Variants in PCSK5 observed in about 807,000 individuals in gnomAD.
PCSK5 encodes prohormone convertase 5.
Under a neutral mutation model 233.2 loss-of-function variants are expected in PCSK5, and 129 were observed. The observed-to-expected ratio is 0.55, with a 90% CI of 0.48 to 0.64. The LOEUF is 0.64. Among genes scored for constraint, PCSK5 ranks in the 30% least tolerant of loss-of-function variants. The pLI, the probability that PCSK5 is intolerant of heterozygous loss-of-function variation, is 0.00. For synonymous variants in PCSK5, 825 were observed against 879.2 expected, an observed-to-expected ratio of 0.94 and a Z score of 1.09; for missense variants, 2,076 against 2,430.1, an observed-to-expected ratio of 0.85 and a Z score of 3.06.
intron 27 of PCSK5, among the ~76,000 whole-genome samples, chr9:76,297,846 G>T (rs1348091026): frequency 6.6e-6 from 1 of 152,136 alleles, no homozygotes; most frequent in African/African-American, 2.4e-5. Flanking sequence ...TGGAGAGGAG[G>T]CACGTCCATG....
intron 10 of PCSK5, among the ~76,000 whole-genome samples, chr9:76,152,909 G>T (rs765407946): frequency 6.6e-6 from 1 of 152,112 alleles, no homozygotes; most frequent in Non-Finnish European, 1.5e-5. Context: ...AGCACTTCCG[G>T]TCTCATCAGA....
intron 20 of PCSK5, among the ~76,000 whole-genome samples, chr9:76,213,229 A>G (rs746649896): frequency 2.6e-5 from 4 of 152,186 alleles, no homozygotes; most frequent in Non-Finnish European, 4.4e-5. Flanking sequence ...GTAATGACCC[A>G]TGTATAAAAT....
chr9:75,998,225 A>AT (rs914498140), intron 3 of PCSK5, among the ~76,000 whole-genome samples: 5 of 150,618 alleles, frequency 3.3e-5, no homozygotes, highest in Non-Finnish European at 7.4e-5. Context: ...GGCCCACATA[A>AT]TTTTTTTTTT....
chr9:76,300,613 A>G (rs1486431851), intron 27 of PCSK5, among the ~76,000 whole-genome samples: 1 of 152,184 alleles, frequency 6.6e-6, no homozygotes, highest in Non-Finnish European at 1.5e-5. Context: ...CTTCTATCAA[A>G]TTACTTCAGA....
At chr9:76,037,817 T>C (rs543029166) in intron 5 of PCSK5, among the ~76,000 whole-genome samples, 1 of 152,174 alleles carries the variant, frequency 6.6e-6, no homozygotes, top group East Asian at 1.9e-4. Flanking sequence ...CTAAAATAGC[T>C]CCAAGGAATT....
At chr9:75,952,869 A>C (rs2131327931) in intron 2 of PCSK5, among the ~76,000 whole-genome samples, 1 of 152,284 alleles carries the variant, frequency 6.6e-6, no homozygotes, top group South Asian at 2.1e-4. Flanking sequence ...TCACCAGTTG[A>C]AGAACAGTGG....
chr9:76,189,065 T>C, intron 18 of PCSK5, 29 bp from the exon 19 acceptor site: 2 of 1,607,802 alleles, frequency 1.2e-6, no homozygotes, highest in Non-Finnish European at 1.7e-6. Context: ...GTTTTATTTC[T>C]CGTTTCCTGT....
intron 24 of PCSK5, among the ~76,000 whole-genome samples, chr9:76,273,576 C>CATATATATATATATATATATAT (rs34398269): frequency 8.5e-6 from 1 of 118,146 alleles, no homozygotes; most frequent in African/African-American, 3.1e-5. Context: ...TATATATATA[C>CATATATATATATATATATATAT]ATATATATAT....
chr9:76,333,210 G>T (rs908757063), intron 34 of PCSK5, among the ~76,000 whole-genome samples: 11 of 152,282 alleles, frequency 7.2e-5, no homozygotes, highest in African/African-American at 2.6e-4. Context: ...AAGGGTCTCA[G>T]CAATCACAAG....
At chr9:76,206,850 A>G (rs539646816) in intron 20 of PCSK5, among the ~76,000 whole-genome samples, 52 of 151,888 alleles carry the variant, frequency 3.4e-4, no homozygotes, top group African/African-American at 1.1e-3. Context: ...GATAACTACA[A>G]TTTGGTACCA....
At chr9:76,269,751 C>T (rs1030937825) in intron 24 of PCSK5, among the ~76,000 whole-genome samples, 1 of 152,144 alleles carries the variant, frequency 6.6e-6, no homozygotes, top group African/African-American at 2.4e-5. Context: ...CAATAAATAA[C>T]ACATGGAACA....
At chr9:75,962,248 G>T (rs1489909966) in intron 2 of PCSK5, among the ~76,000 whole-genome samples, 1 of 152,144 alleles carries the variant, frequency 6.6e-6, no homozygotes, top group Non-Finnish European at 1.5e-5. Flanking sequence ...TTTGATGTGG[G>T]CTCTGAAGGG....
chr9:76,338,064 G>A (rs971194084), intron 34 of PCSK5, among the ~76,000 whole-genome samples, 166 bp from the exon 35 acceptor site: 2 of 152,162 alleles, frequency 1.3e-5, no homozygotes, highest in African/African-American at 2.4e-5. Context: ...TAAGAACACT[G>A]GGAATCATTG....
At chr9:76,197,803 A>G (rs931105564) in intron 20 of PCSK5, among the ~76,000 whole-genome samples, 1 of 152,222 alleles carries the variant, frequency 6.6e-6, no homozygotes, top group African/African-American at 2.4e-5. Flanking sequence ...CAATATGTGT[A>G]GAAGACGGCA....
intron 24 of PCSK5, among the ~76,000 whole-genome samples, chr9:76,277,401 C>T (rs1310675031): frequency 6.6e-6 from 1 of 152,160 alleles, no homozygotes; most frequent in Non-Finnish European, 1.5e-5. Context: ...TCTAGAGAAG[C>T]ATGGAAATCC....
chr9:75,971,576 G>C (rs902673624), intron 2 of PCSK5, among the ~76,000 whole-genome samples: 1 of 152,022 alleles, frequency 6.6e-6, no homozygotes, highest in Non-Finnish European at 1.5e-5. Flanking sequence ...CCTGTTTCTC[G>C]ACAGTCTCAC....
intron 1 of PCSK5, among the ~76,000 whole-genome samples, chr9:75,897,873 C>A (rs1255156546): frequency 6.6e-6 from 1 of 152,112 alleles, no homozygotes; most frequent in Non-Finnish European, 1.5e-5. Flanking sequence ...GGAAGTAAAA[C>A]TGACACATAA....
intron 8 of PCSK5, among the ~76,000 whole-genome samples, chr9:76,102,183 CT>C (rs140792452): frequency 4.6e-5 from 7 of 151,960 alleles, no homozygotes; most frequent in African/African-American, 1.7e-4. Context: ...TGTAACTCAG[CT>C]TTTTTTTCTT....
At chr9:76,327,102 AT>A (rs56100078) in intron 32 of PCSK5, among the ~76,000 whole-genome samples, 4,387 of 128,154 alleles carry the variant, frequency 0.034, 114 homozygotes, top group African/African-American at 0.074. Flanking sequence ...GCCCATCTCT[AT>A]TTTTTTTTTT....
Sources: gnomAD v4.1 joint callset for allele counts (sites outside exome capture counted in the v4.1 genomes callset) on GRCh38, gnomAD v4.1.1 for gene constraint, MANE v1.5 for transcripts, NCBI Gene and HGNC (gene_info 2026-07-23, HGNC 2026-07-21) for gene names.